Variants in CACNA2D1 observed in about 807,000 individuals in gnomAD.
CACNA2D1 encodes calcium voltage-gated channel auxiliary subunit alpha2delta 1, also known as voltage-dependent calcium channel subunit alpha-2/delta-1.
Under a neutral mutation model 171.5 loss-of-function variants are expected in CACNA2D1, and 53 were observed. The ratio of observed to expected loss-of-function variants is 0.31; its 90% CI spans 0.25 to 0.39. The LOEUF (loss-of-function observed/expected upper bound fraction) is 0.39, where lower values mean the gene tolerates loss of function less well. Among genes scored for constraint, CACNA2D1 ranks in the 10% least tolerant of loss-of-function variants. CACNA2D1 has a pLI of 1.00. For missense variants in CACNA2D1, 903 were observed against 1,299.8 expected, an observed-to-expected ratio of 0.69 and a Z score of 4.69; for synonymous variants, 442 against 443.1, an observed-to-expected ratio of 1.00 and a Z score of 0.03.
chr7:82,090,157 C>T (rs1810980170), intron 6 of CACNA2D1, among the ~76,000 whole-genome samples: 1 of 152,186 alleles, frequency 6.6e-6, no homozygotes, highest in East Asian at 1.9e-4. Flanking sequence ...ATCTATCCCT[C>T]CTAGAAAATT....
At chr7:81,951,971 T>TG (rs995578605) in intron 38 of CACNA2D1, among the ~76,000 whole-genome samples, 1 of 130,664 alleles carries the variant, frequency 7.7e-6, no homozygotes, top group South Asian at 2.4e-4. Context: ...TACAAAGTGT[T>TG]TTTTTTTTTT....
intron 7 of CACNA2D1, among the ~76,000 whole-genome samples, chr7:82,077,648 T>C (rs1354252233): frequency 2.0e-5 from 3 of 152,150 alleles, no homozygotes; most frequent in Non-Finnish European, 4.4e-5. Context: ...CACTGGACTT[T>C]AATAATTATT....
At chr7:82,016,651 T>C (rs1800518649) in intron 12 of CACNA2D1, among the ~76,000 whole-genome samples, 1 of 143,062 alleles carries the variant, frequency 7.0e-6, no homozygotes, top group Admixed American at 7.2e-5. Flanking sequence ...TTTATTTATT[T>C]TGCTATAAAA....
rs1562980941 is a variant in CACNA2D1, at chr7:82,060,166, A to ATATATATAT, written c.879+253_879+261dup. On this transcript the variant is annotated intron_variant, in intron 10 of 38. Transcript: ENST00000356860. ...TATATATATGTATTATATATATATA[A>ATATATATAT]TATATATATATAATATATATATATT... is the stretch of plus-strand genomic sequence containing the variant. Among the ~76,000 whole-genome samples, 27 of 9,974 alleles carry ATATATATAT rather than the reference A, an allele frequency of 2.7e-3. 1 individual carries two copies. The highest frequency in any genetic ancestry group is 6.9e-3 in the East Asian group (1 of 144). 6.5% of individuals were successfully genotyped at this position (9,974 alleles called of 152,430 possible).
At position 82,188,042 on chromosome 7, in the gene CACNA2D1, C is replaced by A. The variant is rs79310966; in HGVS notation, c.295-17433G>T. On this transcript the variant is annotated intron_variant, in intron 3 of 38. Coordinates refer to ENST00000356860, the MANE Select transcript of CACNA2D1 (RefSeq NM_000722.4). ...TTTTCTCCTTCTATAAAATAGAAGC[C>A]TCAGATGACAGAATTGGTGAGGGAG... Among the ~76,000 whole-genome samples the A allele has an allele frequency of 2.2e-4, 33 of 152,184 alleles. No homozygotes were observed. In the East Asian group the frequency reaches 5.6e-3, roughly 26 times the overall value.
intron 3 of CACNA2D1, among the ~76,000 whole-genome samples, chr7:82,177,511 A>AT (rs1435050419): frequency 2.6e-5 from 4 of 152,250 alleles, no homozygotes; most frequent in African/African-American, 9.6e-5. Context: ...TCAATGGTGT[A>AT]TGAGAAATTA....
rs560838028 is a variant in CACNA2D1, at chr7:82,120,005, G to A, written c.397-2832C>T. On this transcript the variant is annotated intron_variant, in intron 5 of 38. Coordinates refer to ENST00000356860, the MANE Select transcript of CACNA2D1 (RefSeq NM_000722.4). ...AAGAACATCCTGGACAACATAGTGA[G>A]GCCCTCATCTCTACAAAAAATTTAA... Among the ~76,000 whole-genome samples, 16 of 152,234 alleles carry A rather than the reference G, an allele frequency of 1.1e-4. No homozygotes were observed. The East Asian group carries it at 2.9e-3, about 28-fold the overall frequency.
At chr7:82,434,398 T>C (rs2129459183) in intron 1 of CACNA2D1, among the ~76,000 whole-genome samples, 1 of 152,264 alleles carries the variant, frequency 6.6e-6, no homozygotes, top group South Asian at 2.1e-4. Context: ...ATAGGTAAAC[T>C]TGTGTCATAG....
chr7:82,393,729 AC>A (rs1274837273), intron 1 of CACNA2D1, among the ~76,000 whole-genome samples: 1 of 152,242 alleles, frequency 6.6e-6, no homozygotes, highest in Non-Finnish European at 1.5e-5. Context: ...TATGATATAA[AC>A]AAGACAGGAT....
chr7:82,401,828 A>T (rs1826461117), intron 1 of CACNA2D1, among the ~76,000 whole-genome samples: 1 of 152,228 alleles, frequency 6.6e-6, no homozygotes, highest in Non-Finnish European at 1.5e-5. Context: ...CCATCCTAGT[A>T]AAACACACAT....
intron 3 of CACNA2D1, among the ~76,000 whole-genome samples, chr7:82,325,633 C>G (rs895783276): frequency 6.6e-6 from 1 of 152,030 alleles, no homozygotes; most frequent in Non-Finnish European, 1.5e-5. Flanking sequence ...AATTCCAGAC[C>G]AAATCTCTCA....
intron 7 of CACNA2D1, among the ~76,000 whole-genome samples, chr7:82,067,845 C>T (rs1037785320): frequency 1.3e-5 from 2 of 152,028 alleles, no homozygotes; most frequent in Admixed American, 6.6e-5. Context: ...TTAGTAATAC[C>T]TAAAATTTTA....
intron 12 of CACNA2D1, among the ~76,000 whole-genome samples, chr7:82,032,082 ACGG>A (rs1193784807): frequency 1.3e-5 from 2 of 151,946 alleles, no homozygotes; most frequent in Non-Finnish European, 2.9e-5. Context: ...TGATAATAGG[ACGG>A]CTAGAAAAAG....
intron 4 of CACNA2D1, among the ~76,000 whole-genome samples, chr7:82,151,787 C>T (rs1304194396): frequency 6.6e-6 from 1 of 151,970 alleles, no homozygotes; most frequent in Non-Finnish European, 1.5e-5. Flanking sequence ...TAACTTCTTT[C>T]TAGCACGTAA....
At chr7:82,316,807 G>T (rs6950094) in intron 3 of CACNA2D1, among the ~76,000 whole-genome samples, 1 of 152,162 alleles carries the variant, frequency 6.6e-6, no homozygotes, top group South Asian at 2.1e-4. Flanking sequence ...TTGTGCAGGA[G>T]AACTCCCATT....
At chr7:82,177,068 A>AT (rs1181991934) in intron 3 of CACNA2D1, among the ~76,000 whole-genome samples, 30,544 of 55,218 alleles carry the variant, frequency 0.55, 10,539 homozygotes, top group East Asian at 0.68. Context: ...ACAGGTCTCT[A>AT]TTTTTTTTTT....
chr7:81,968,433 A>G (rs1432517164), intron 29 of CACNA2D1, among the ~76,000 whole-genome samples: 4 of 151,280 alleles, frequency 2.6e-5, no homozygotes, highest in Non-Finnish European at 5.9e-5. Flanking sequence ...TACCTAATTC[A>G]CTTTAACAGA....
chr7:82,022,756 T>A (rs1316322748), intron 12 of CACNA2D1, among the ~76,000 whole-genome samples: 3 of 151,920 alleles, frequency 2.0e-5, no homozygotes, highest in Non-Finnish European at 2.9e-5. Flanking sequence ...TCTCAATCAT[T>A]TTTTAAAGTG....
chr7:82,077,021 T>C (rs1250965498), intron 7 of CACNA2D1, among the ~76,000 whole-genome samples: 3 of 152,220 alleles, frequency 2.0e-5, no homozygotes, highest in African/African-American at 7.2e-5. Flanking sequence ...ATAGCAAATC[T>C]ATTGCTATTC....
Sources: gnomAD v4.1 joint callset for allele counts (sites outside exome capture counted in the v4.1 genomes callset) on GRCh38, gnomAD v4.1.1 for gene constraint, MANE v1.5 for transcripts, NCBI Gene and HGNC (gene_info 2026-07-23, HGNC 2026-07-21) for gene names.